ESYT3: variants seen among roughly 807,000 people sequenced by gnomAD.
ESYT3 encodes the protein extended synaptotagmin 3, also known as extended synaptotagmin-3.
ESYT3 carries 101 observed loss-of-function variants against 111.5 expected under a neutral mutation model. The observed-to-expected ratio is 0.91, with a 90% CI of 0.77 to 1.07. ESYT3 has a LOEUF of 1.07. ESYT3 is among the 50% of genes least tolerant of loss of function. The probability of loss-of-function intolerance (pLI) is 0.00; values close to 1 mark genes in which losing one functional copy is unlikely to be tolerated. For missense variants in ESYT3, 1,097 were observed against 1,109.4 expected (o/e 0.99, Z 0.16); for synonymous variants, 416 against 446.8 (o/e 0.93, Z 0.87).
chr3:138,452,430 AG>A (rs1210027795), intron 2 of ESYT3, among the ~76,000 whole-genome samples: 3 of 152,216 alleles, frequency 2.0e-5, no homozygotes, highest in Non-Finnish European at 2.9e-5. Flanking sequence ...TTTCCTGCCT[AG>A]ATCCAACAGC....
rs1209718772 is a variant in ESYT3 at position 138,468,820 on chromosome 3, G to A, written c.1373G>A (p.Arg458Lys). Residue 458 changes from arginine (R) to lysine (K), a missense_variant and splice_region_variant, in exon 14 of 23, where the codon AGA becomes AAA. Physicochemically the swap from Arg to Lys is conservative, Grantham distance 26. Transcript: ENST00000389567. ...AACCCCGTTATTCCTGTGCTGCAGA[G>A]AAACCCTTTTGACTACCTGAATGGT... ...VFLESACNLP[R>K]NPFDYLNGEY... The A allele has an allele frequency of 6.2e-7, 1 of 1,614,188 alleles. No individual in the cohort carries two copies. Among genetic ancestry groups the A allele is most frequent in the East Asian group, 2.2e-5 (1 of 44,884 alleles).
At chr3:138,465,296 T>G in intron 9 of ESYT3, 43 bp from the exon 10 acceptor site, 1 of 1,462,912 alleles carries the variant, frequency 6.8e-7, no homozygotes, top group Non-Finnish European at 9.4e-7. Flanking sequence ...ATATGTCAGG[T>G]CGACTGTTGC....
Position 138,476,777 on chromosome 3 carries a change from TGTCATTACTAAC to T in ESYT3, c.2625-38_2625-27del, listed in dbSNP as rs765523876. ...AGTTTGTCCTGTTACCACAACACAC[TGTCATTACTAAC>T]GTTAAGTCCAAACGTAACTGTCTTA... is the stretch of plus-strand genomic sequence containing the variant. On this transcript the variant is annotated intron_variant, in intron 22 of 22. Transcript: ENST00000389567. 3 of 1,603,114 alleles carry T rather than the reference TGTCATTACTAAC, an allele frequency of 1.9e-6. No homozygotes were observed. The African/African-American group carries it at 4.0e-5, about 21-fold the overall frequency.
At chr3:138,470,685 TCA>T in intron 16 of ESYT3, 190 bp from the exon 17 acceptor site, 1 of 1,409,642 alleles carries the variant, frequency 7.1e-7, no homozygotes, top group Non-Finnish European at 9.2e-7. Flanking sequence ...CTACTCTGAG[TCA>T]CTATCTTCCC....
intron 1 of ESYT3, among the ~76,000 whole-genome samples, chr3:138,445,587 G>C (rs1465510218): frequency 4.6e-5 from 7 of 152,224 alleles, no homozygotes; most frequent in Admixed American, 4.6e-4. Context: ...GAGGCACTAG[G>C]AAACTCAGCA....
rs1005554664 is a variant in ESYT3, at chr3:138,468,014, A to G, written c.1219-91A>G. ...TAGGACAGGTTTCCCTGTCCCTACT[A>G]GGATGCCAGGTCTCAGGACTGGGCT... On this transcript the variant is annotated intron_variant, in intron 11 of 22. Coordinates refer to ENST00000389567, the MANE Select transcript of ESYT3 (RefSeq NM_031913.5). 6.1e-6 allele frequency: 7 copies of G among 1,139,994 alleles called. No individual in the cohort carries two copies. In the African/African-American group the frequency reaches 1.1e-4, roughly 17 times the overall value. The allele number at this position is 1,139,994 out of a possible 1,614,324, so 70.6% of individuals were successfully genotyped here.
At chr3:138,462,227 A>C (rs2032685965) in intron 8 of ESYT3, 21 bp downstream of exon 8, 2 of 1,613,932 alleles carry the variant, frequency 1.2e-6, no homozygotes, top group African/African-American at 1.3e-5. Flanking sequence ...AGTACTAGCC[A>C]CAGACCAGCC....
At chr3:138,480,100 A>G (rs993034526), downstream of ESYT3, 3 of 152,226 alleles carry the variant, frequency 2.0e-5, no homozygotes, top group African/African-American at 7.2e-5. Flanking sequence ...AGAAAAATCA[A>G]CCCTGCAAAA....
At chr3:138,473,661 T>A (rs902745841) in intron 19 of ESYT3, 27 bp downstream of exon 19, 2 of 1,592,440 alleles carry the variant, frequency 1.3e-6, no homozygotes, top group African/African-American at 2.7e-5. Flanking sequence ...GCCAGGGAGG[T>A]CCTTTGGGAG....
intron 20 of ESYT3, 99 bp from the exon 21 acceptor site, chr3:138,476,122 CTG>C: frequency 2.6e-6 from 2 of 759,068 alleles, no homozygotes; most frequent in Non-Finnish European, 4.6e-6. Flanking sequence ...TCCTAATAGT[CTG>C]TACCTTTCTG....
Position 138,469,780 on chromosome 3 carries a change from C to T in ESYT3, c.1503+276C>T, listed in dbSNP as rs139351576. ...CCACCAATCATGAATTTTCTCAGTC[C>T]AGCAGCAGAAATCCTGTTGGCCTCT... On this transcript the variant is annotated intron_variant, in intron 15 of 22. Transcript: ENST00000389567. Among the ~76,000 whole-genome samples the T allele has an allele frequency of 3.0e-3, 459 of 152,252 alleles. 1 individual carries two copies. Among genetic ancestry groups the T allele is most frequent in the Non-Finnish European group, 5.1e-3 (347 of 68,016 alleles).
Position 138,472,560 on chromosome 3 carries a change from C to A in ESYT3, c.1938C>A (p.Thr646=). Residue 646 remains threonine (T), a synonymous_variant, in exon 18 of 23, where the codon ACC becomes ACA. Coordinates refer to ENST00000389567, the MANE Select transcript of ESYT3 (RefSeq NM_031913.5). ...DTKDVSRSTT[T]TTSATTVATE... ...AGGACGTATCCAGGAGTACCACAACCACCACCAGTGCTACCACCGTTGCCA... is the reference window on the plus strand; with the variant it reads ...AGGACGTATCCAGGAGTACCACAACAACCACCAGTGCTACCACCGTTGCCA... 6.2e-7 allele frequency: 1 copy of A among 1,614,222 alleles called. No individual in the cohort carries two copies. Among genetic ancestry groups the A allele is most frequent in the Non-Finnish European group, 8.5e-7 (1 of 1,180,048 alleles).
downstream of ESYT3, chr3:138,480,362 T>C (rs2108637050): frequency 6.6e-6 from 1 of 151,680 alleles, no homozygotes; most frequent in Middle Eastern, 3.4e-3. Context: ...AAGAAACAGA[T>C]GCTCCCTATT....
Position 138,464,493 on chromosome 3 carries a change from C to A in ESYT3, c.1064C>A (p.Pro355His). ...RSRTIYRNLN[P>H]TWNEVFEFMV... is the part of the protein sequence containing the mutation. ...AGGACCATCTACAGGAACCTGAACC[C>A]CACCTGGAACGAAGTGTTTGAGGTA... Residue 355 changes from proline to histidine, a missense_variant, in exon 9 of 23, where the codon CCC becomes CAC. By Grantham distance (77) the Pro-to-His change is moderately conservative. Coordinates refer to ENST00000389567, the MANE Select transcript of ESYT3 (RefSeq NM_031913.5). 4 of 1,614,064 alleles carry A rather than the reference C, an allele frequency of 2.5e-6. 1 individual carries two copies. In the South Asian group the frequency reaches 4.4e-5, roughly 18 times the overall value.
In ESYT3 at chr3:138,472,709, AC is replaced by A. The variant is rs1216608144; in HGVS notation, c.2088del (p.Ser697LeufsTer11). On this transcript the variant is annotated frameshift_variant, in exon 18 of 23. Coordinates refer to ENST00000389567, the MANE Select transcript of ESYT3 (RefSeq NM_031913.5). LOFTEE classifies it high-confidence loss of function. ...ATCTTCCTGACTGTCCCAGGTCCCC[AC>A]TCTCCAGGGCCCATCAAGTCACCCA... ...ATIFLTVPGPHSPGPIKSPRP... is the reference protein window; with the variant it reads ...ATIFLTVPGPXSPGPIKSPRP... 1 of 1,613,750 alleles carries A rather than the reference AC, an allele frequency of 6.2e-7. No individual in the cohort carries two copies. The highest frequency in any genetic ancestry group is 8.5e-7 in the Non-Finnish European group (1 of 1,179,932).
At chr3:138,459,645 T>C (rs901639354) in intron 5 of ESYT3, among the ~76,000 whole-genome samples, 2 of 152,236 alleles carry the variant, frequency 1.3e-5, no homozygotes, top group South Asian at 4.1e-4. Flanking sequence ...CCTGGGTTCC[T>C]GCTGGCTGGG....
chr3:138,445,583 C>CT (rs1203194431), intron 1 of ESYT3, among the ~76,000 whole-genome samples: 2 of 152,210 alleles, frequency 1.3e-5, no homozygotes, highest in Non-Finnish European at 2.9e-5. Context: ...GCCAGAGGCA[C>CT]TAGGAAACTC....
intron 4 of ESYT3, among the ~76,000 whole-genome samples, chr3:138,458,749 G>A (rs1265957734): frequency 6.6e-6 from 1 of 152,224 alleles, no homozygotes; most frequent in African/African-American, 2.4e-5. Flanking sequence ...CACCTGGGAT[G>A]TAAGCAGTGG....
At chr3:138,460,497 C>G in intron 6 of ESYT3, 114 bp from the exon 7 acceptor site, 1 of 1,181,394 alleles carries the variant, frequency 8.5e-7, no homozygotes. Flanking sequence ...CTCCGAACCC[C>G]CACCCTGGAA....
Sources: allele counts gnomAD v4.1 joint callset (sites outside exome capture counted in the v4.1 genomes callset), GRCh38; gene constraint gnomAD v4.1.1; transcripts MANE v1.5; gene names NCBI Gene and HGNC (gene_info 2026-07-23, HGNC 2026-07-21).